CACNA2D3: variants seen among roughly 807,000 people sequenced by gnomAD.
CACNA2D3 encodes voltage-dependent calcium channel subunit alpha-2/delta-3.
In CACNA2D3, 60 loss-of-function variants were observed where a neutral mutation model predicts 160.6. The ratio of observed to expected loss-of-function variants is 0.37; its 90% CI spans 0.30 to 0.46. The LOEUF is 0.46. CACNA2D3 is among the 20% of genes least tolerant of loss of function. The pLI is 1.00. For missense variants in CACNA2D3, 1,205 were observed against 1,365.0 expected, an observed-to-expected ratio of 0.88 and a Z score of 1.85; for synonymous variants, 558 against 492.9, an observed-to-expected ratio of 1.13 and a Z score of -1.75.
intron 16 of CACNA2D3, among the ~76,000 whole-genome samples, chr3:54,841,879 T>C (rs1698826089): frequency 6.6e-6 from 1 of 152,202 alleles, no homozygotes. Flanking sequence ...GCTTCTGGCC[T>C]CCAGGAGAAT....
chr3:54,976,734 G>C (rs149098560), intron 29 of CACNA2D3, among the ~76,000 whole-genome samples: 1 of 152,298 alleles, frequency 6.6e-6, no homozygotes, highest in African/African-American at 2.4e-5. Flanking sequence ...TTTGCAGCTT[G>C]GTTTTCCAAG....
intron 17 of CACNA2D3, among the ~76,000 whole-genome samples, chr3:54,863,739 A>T (rs1162109135): frequency 6.6e-6 from 1 of 152,106 alleles, no homozygotes; most frequent in Non-Finnish European, 1.5e-5. Context: ...AAAATACCAA[A>T]GCTGTTTTAG....
chr3:54,871,043 TACACACACACACACACACACAC>T (rs58370850), intron 17 of CACNA2D3, among the ~76,000 whole-genome samples: 19,592 of 143,012 alleles, frequency 0.14, 1,813 homozygotes, highest in African/African-American at 0.27. Context: ...AGCTTTGGGA[TACACACACACACACACACACAC>T]ACACACACAC....
chr3:54,197,511 A>C (rs1425764467), intron 2 of CACNA2D3: 1 of 152,156 alleles, frequency 6.6e-6, no homozygotes, highest in African/African-American at 2.4e-5. Flanking sequence ...ATTCGAAGTG[A>C]GTTTTAATTT....
intron 9 of CACNA2D3, among the ~76,000 whole-genome samples, chr3:54,586,084 G>A (rs1233501925): frequency 2.6e-5 from 4 of 151,998 alleles, no homozygotes; most frequent in African/African-American, 9.7e-5. Context: ...CTAACATGTT[G>A]AAATCCCGTC....
intron 2 of CACNA2D3, among the ~76,000 whole-genome samples, chr3:54,251,499 C>G (rs58531056): frequency 0.023 from 3,482 of 152,302 alleles, 95 homozygotes; most frequent in African/African-American, 0.068. Flanking sequence ...CATTATTACT[C>G]TCATCTGCCA....
At chr3:54,476,690 C>A (rs1261581330) in intron 4 of CACNA2D3, among the ~76,000 whole-genome samples, 1 of 152,062 alleles carries the variant, frequency 6.6e-6, no homozygotes, top group Admixed American at 6.6e-5. Context: ...TACCTGATGA[C>A]CATTTGTATG....
intron 2 of CACNA2D3, among the ~76,000 whole-genome samples, chr3:54,209,639 G>GTA (rs1332370122): frequency 6.6e-6 from 1 of 152,164 alleles, no homozygotes; most frequent in Non-Finnish European, 1.5e-5. Flanking sequence ...GTCAGTAATG[G>GTA]TAGAATCTCT....
chr3:55,016,322 G>A (rs1703326082), intron 34 of CACNA2D3, among the ~76,000 whole-genome samples: 1 of 152,226 alleles, frequency 6.6e-6, no homozygotes, highest in Admixed American at 6.5e-5. Context: ...AGCACTCACA[G>A]CGTGCCAGCT....
intron 17 of CACNA2D3, among the ~76,000 whole-genome samples, chr3:54,850,406 T>G (rs1699032373): frequency 6.6e-6 from 1 of 152,252 alleles, no homozygotes; most frequent in Admixed American, 6.5e-5. Flanking sequence ...AATGTTTGTT[T>G]GTTTGATCGT....
intron 35 of CACNA2D3, among the ~76,000 whole-genome samples, chr3:55,061,357 G>T (rs1704501022): frequency 6.6e-6 from 1 of 152,348 alleles, no homozygotes; most frequent in East Asian, 1.9e-4. Flanking sequence ...AGGCCATCCA[G>T]GGTAAACCGG....
At chr3:54,411,701 G>C (rs1699670715) in intron 4 of CACNA2D3, among the ~76,000 whole-genome samples, 1 of 152,158 alleles carries the variant, frequency 6.6e-6, no homozygotes, top group Non-Finnish European at 1.5e-5. Context: ...TTATCATGGT[G>C]TTATGGAACT....
chr3:54,196,434 G>A (rs1023091130), intron 2 of CACNA2D3, among the ~76,000 whole-genome samples: 10 of 152,164 alleles, frequency 6.6e-5, no homozygotes, highest in African/African-American at 2.2e-4. Flanking sequence ...CAGGGAAGCC[G>A]TTAAGTTAAA....
intron 27 of CACNA2D3, among the ~76,000 whole-genome samples, chr3:54,961,917 G>T (rs1702037434): frequency 6.6e-6 from 1 of 152,064 alleles, no homozygotes; most frequent in African/African-American, 2.4e-5. Flanking sequence ...GGCCCCATGT[G>T]GTGAGGGACT....
In CACNA2D3 at chr3:54,795,773, T is replaced by A. The variant is rs1202800272; in HGVS notation, c.1381-21080T>A. On this transcript the variant is annotated intron_variant, in intron 13 of 37. Transcript: ENST00000474759. The stretch of plus-strand genomic sequence containing the variant: ...ACTGATAAGACCTGACTTTCTATAC[T>A]AAGAGAAAAAACTCCCATTGAATTG... 2.0e-5 allele frequency among the ~76,000 whole-genome samples: 3 copies of A among 152,146 alleles called. No individual in the cohort carries two copies. In the East Asian group the frequency reaches 5.8e-4, roughly 29 times the overall value.
chr3:54,455,482 G>T (rs535310787), intron 4 of CACNA2D3, among the ~76,000 whole-genome samples: 74 of 152,038 alleles, frequency 4.9e-4, no homozygotes, highest in African/African-American at 1.7e-3. Flanking sequence ...ATCCATTTTA[G>T]ACGAGTAGTT....
At chr3:54,943,532 T>G (rs1396805363) in intron 27 of CACNA2D3, among the ~76,000 whole-genome samples, 1 of 152,226 alleles carries the variant, frequency 6.6e-6, no homozygotes, top group Admixed American at 6.5e-5. Flanking sequence ...TCTATGTACA[T>G]TCTCTATTAT....
rs565546549 is a variant in CACNA2D3, at chr3:55,060,034, A to G, written c.2988-13411A>G. 2.6e-5 allele frequency among the ~76,000 whole-genome samples: 4 copies of G among 152,130 alleles called. No individual in the cohort carries two copies. In the East Asian group the frequency reaches 7.8e-4, roughly 29 times the overall value. ...CAAGAGGCAATATTTGGGTGCAAAA[A>G]CAGGAATAACTGTTCCCATTTAGAG... On this transcript the variant is annotated intron_variant, in intron 35 of 37. Coordinates refer to ENST00000474759, the MANE Select transcript of CACNA2D3 (RefSeq NM_018398.3).
chr3:54,781,665 T>A (rs1433355460), intron 13 of CACNA2D3, among the ~76,000 whole-genome samples: 1 of 152,248 alleles, frequency 6.6e-6, no homozygotes, highest in Non-Finnish European at 1.5e-5. Context: ...AAAATATTTT[T>A]AGTAGTTATT....
Sources: allele counts gnomAD v4.1 joint callset (sites outside exome capture counted in the v4.1 genomes callset), GRCh38; gene constraint gnomAD v4.1.1; transcripts MANE v1.5; gene names NCBI Gene and HGNC (gene_info 2026-07-23, HGNC 2026-07-21).